Variants in SEMA3A observed in about 807,000 individuals in gnomAD.
SEMA3A encodes semaphorin-3A.
SEMA3A carries 29 observed loss-of-function variants against 97.9 expected under a neutral mutation model. The ratio of observed to expected loss-of-function variants is 0.30; its 90% CI spans 0.22 to 0.40. The LOEUF (loss-of-function observed/expected upper bound fraction) is 0.40. Among genes scored for constraint, SEMA3A ranks in the 10% least tolerant of loss-of-function variants. The pLI, the probability that SEMA3A is intolerant of heterozygous loss-of-function variation, is 1.00. For synonymous variants in SEMA3A, 321 were observed against 323.7 expected (o/e 0.99, Z 0.09); for missense variants, 763 against 951.3 (o/e 0.80, Z 2.60).
intron 15 of SEMA3A, among the ~76,000 whole-genome samples, chr7:83,976,562 T>G (rs1397604309): frequency 2.0e-5 from 3 of 151,948 alleles, no homozygotes; most frequent in Admixed American, 2.0e-4. Flanking sequence ...CTAAGCAACT[T>G]TGACATTAAA....
Position 83,959,236 on chromosome 7 carries a change from GAAT to G in SEMA3A, c.*2132_*2134del, listed in dbSNP as rs1247173750. 2 of 151,972 alleles carry G rather than the reference GAAT, an allele frequency of 1.3e-5. No individual in the cohort carries two copies. Among genetic ancestry groups the G allele is most frequent in the Non-Finnish European group, 2.9e-5 (2 of 67,894 alleles). The allele number at this position is 151,972 out of a possible 1,614,324, so 9.4% of individuals were successfully genotyped here. On this transcript the variant is annotated 3_prime_UTR_variant, in exon 17 of 17. Coordinates refer to ENST00000265362, the MANE Select transcript of SEMA3A (RefSeq NM_006080.3). ...CTTCAAATCCTTTATTTCTGAGGAT[GAAT>G]AATAAGATATTTCTGCTATCGCAAA...
intron 3 of SEMA3A, among the ~76,000 whole-genome samples, chr7:84,255,985 T>C (rs1799712713): frequency 6.6e-6 from 1 of 152,008 alleles, no homozygotes; most frequent in Admixed American, 6.6e-5. Flanking sequence ...AAATATAATA[T>C]ATAATTAGCA....
intron 1 of SEMA3A, among the ~76,000 whole-genome samples, chr7:84,426,651 A>G (rs1430872754): frequency 6.6e-6 from 1 of 152,102 alleles, no homozygotes; most frequent in East Asian, 1.9e-4. Context: ...ATTTATCTTA[A>G]ATATCTCTTA....
chr7:84,324,964 G>T (rs972359240), intron 2 of SEMA3A, among the ~76,000 whole-genome samples: 1 of 151,956 alleles, frequency 6.6e-6, no homozygotes, highest in Non-Finnish European at 1.5e-5. Context: ...AAGACCTTAC[G>T]TTCAAAAAGA....
chr7:84,004,243 A>T (rs546596158), intron 11 of SEMA3A, among the ~76,000 whole-genome samples: 1 of 152,194 alleles, frequency 6.6e-6, no homozygotes. Flanking sequence ...TTCAAAAATA[A>T]TATTACTATT....
rs1365961604 is a variant in SEMA3A, at chr7:84,020,080, C to G, written c.668-5729G>C. On this transcript the variant is annotated intron_variant, in intron 6 of 16. Transcript: ENST00000265362. The stretch of plus-strand genomic sequence containing the variant: ...TTTTTTTTTGAGACGGAGTCTCACT[C>G]TGTTGCCCAGGCTGGAGTGCACTGG... Among the ~76,000 whole-genome samples the G allele has an allele frequency of 2.9e-5, 3 of 102,116 alleles. No individual in the cohort carries two copies. The East Asian group carries it at 1.0e-3, about 34-fold the overall frequency. The allele number at this position is 102,116 out of a possible 152,430, so 67.0% of individuals were successfully genotyped here. A position where few individuals can be genotyped will look rare whatever the true frequency, so the allele number is the denominator to read the frequency against.
At chr7:84,441,587 G>A (rs1036349891) in intron 1 of SEMA3A, among the ~76,000 whole-genome samples, 2 of 151,814 alleles carry the variant, frequency 1.3e-5, no homozygotes, top group African/African-American at 4.8e-5. Flanking sequence ...ATACAGAAAA[G>A]AAAAGAGAAA....
At position 84,028,723 on chromosome 7, in the gene SEMA3A, G is replaced by A. The variant is rs147014208; in HGVS notation, c.668-14372C>T. On this transcript the variant is annotated intron_variant, in intron 6 of 16. Coordinates refer to ENST00000265362, the MANE Select transcript of SEMA3A (RefSeq NM_006080.3). ...GGGTTCACGTGATTCTCCTGCCTCA[G>A]CCTCCCGAGTAGCTGGGACTACAGG... 8.3e-3 allele frequency among the ~76,000 whole-genome samples: 1,258 copies of A among 152,234 alleles called. 13 individuals carry two copies. The highest frequency in any genetic ancestry group is 0.029 in the African/African-American group (1,187 of 41,528).
chr7:84,393,938 AAATT>A (rs1484470216), intron 1 of SEMA3A, among the ~76,000 whole-genome samples: 1 of 152,166 alleles, frequency 6.6e-6, no homozygotes, highest in Non-Finnish European at 1.5e-5. Context: ...TTGAAGCTAG[AAATT>A]GTCATGTTGC....
intron 12 of SEMA3A, among the ~76,000 whole-genome samples, chr7:83,994,146 A>T (rs1254326495): frequency 2.7e-5 from 4 of 145,492 alleles, no homozygotes; most frequent in Non-Finnish European, 4.5e-5. Context: ...GTAGTTCTCG[A>T]GCCTTGGTTT....
At chr7:84,092,698 T>C (rs745695929) in intron 4 of SEMA3A, among the ~76,000 whole-genome samples, 1 of 152,128 alleles carries the variant, frequency 6.6e-6, no homozygotes, top group African/African-American at 2.4e-5. Flanking sequence ...ATTAGCCAGA[T>C]TGGTTTTACC....
At chr7:84,013,439 GTGTT>G (rs1790966240) in intron 7 of SEMA3A, among the ~76,000 whole-genome samples, 1 of 152,100 alleles carries the variant, frequency 6.6e-6, no homozygotes, top group Non-Finnish European at 1.5e-5. Flanking sequence ...TTTTGTGTGG[GTGTT>G]TGTGTGTGTG....
At chr7:84,063,691 A>G (rs1793352240) in intron 4 of SEMA3A, among the ~76,000 whole-genome samples, 1 of 151,164 alleles carries the variant, frequency 6.6e-6, no homozygotes, top group African/African-American at 2.4e-5. Context: ...GAAATGAATG[A>G]AATAAAGCGA....
chr7:84,124,786 GT>G lies in SEMA3A; in HGVS notation c.333+4336del, dbSNP rs1190791158. Reference sequence around the variant, plus strand: ...AGAAAGAAATGCAAAAATTGCATCTGTAAATTAAAATCCAAAAATAACCAAT... The same window carrying G: ...AGAAAGAAATGCAAAAATTGCATCTGAAATTAAAATCCAAAAATAACCAAT... On this transcript the variant is annotated intron_variant, in intron 3 of 16. Coordinates refer to ENST00000265362, the MANE Select transcript of SEMA3A (RefSeq NM_006080.3). Among the ~76,000 whole-genome samples the G allele has an allele frequency of 4.0e-4, 61 of 152,124 alleles. 1 individual carries two copies. The highest frequency in any genetic ancestry group is 1.5e-4 in the Non-Finnish European group (10 of 67,968).
At chr7:83,977,952 C>CT (rs1789231647) in intron 14 of SEMA3A, among the ~76,000 whole-genome samples, 1 of 151,642 alleles carries the variant, frequency 6.6e-6, no homozygotes, top group Non-Finnish European at 1.5e-5. Flanking sequence ...TACAGGCAGC[C>CT]GCCACCATGC....
intron 2 of SEMA3A, among the ~76,000 whole-genome samples, chr7:84,132,662 G>GT (rs55830654): frequency 0.015 from 1,258 of 86,574 alleles, 175 homozygotes; most frequent in Non-Finnish European, 0.019. Flanking sequence ...TCGACTTGGT[G>GT]TTTTTTTTTT....
At chr7:84,238,422 G>A (rs1260770793) in intron 3 of SEMA3A, among the ~76,000 whole-genome samples, 3 of 152,004 alleles carry the variant, frequency 2.0e-5, no homozygotes, top group Admixed American at 2.0e-4. Context: ...TCTACAGTAG[G>A]CACAGTGGAA....
intron 1 of SEMA3A, among the ~76,000 whole-genome samples, chr7:84,400,564 G>T (rs1038965351): frequency 6.6e-6 from 1 of 152,142 alleles, no homozygotes; most frequent in Non-Finnish European, 1.5e-5. Context: ...TGAGCTCAAA[G>T]TCAGGATACT....
At chr7:84,154,690 A>C (rs199914090) in intron 1 of SEMA3A, among the ~76,000 whole-genome samples, 9,628 of 107,412 alleles carry the variant, frequency 0.09, 376 homozygotes, top group African/African-American at 0.2. Context: ...AAAAAAAAAA[A>C]CAAAAAAAAA....
Sources: allele counts gnomAD v4.1 joint callset (sites outside exome capture counted in the v4.1 genomes callset), GRCh38; gene constraint gnomAD v4.1.1; transcripts MANE v1.5; gene names NCBI Gene and HGNC (gene_info 2026-07-23, HGNC 2026-07-21).